Variants in RORA observed in about 807,000 individuals in gnomAD.
The protein encoded by RORA is nuclear receptor ROR-alpha.
Under a neutral mutation model 69.5 loss-of-function variants are expected in RORA, and 7 were observed. The ratio of observed to expected loss-of-function variants is 0.10; its 90% CI spans 0.06 to 0.19. The LOEUF (loss-of-function observed/expected upper bound fraction) is 0.19. RORA is among the 10% of genes least tolerant of loss of function. RORA has a pLI of 1.00. For missense variants in RORA, 457 were observed against 663.0 expected (o/e 0.69, Z 3.41); for synonymous variants, 261 against 240.8 (o/e 1.08, Z -0.78).
chr15:60,828,428 G>A (rs1381530280), intron 1 of RORA, among the ~76,000 whole-genome samples: 5 of 152,204 alleles, frequency 3.3e-5, no homozygotes, highest in African/African-American at 9.7e-5. Context: ...GGAAGGGAAG[G>A]GGAAGTGAAG....
rs539391865 is a variant in RORA, at chr15:60,587,701, A to C, written c.197-55850T>G. On this transcript the variant is annotated intron_variant, in intron 2 of 10. Transcript: ENST00000335670. ...ACTTCAGAAGCAGTAACATTTTAAA[A>C]AATGAAATAACTGGAAAACCTAGGG... Among the ~76,000 whole-genome samples the C allele has an allele frequency of 2.2e-4, 33 of 152,374 alleles. 1 individual carries two copies. The South Asian group carries it at 6.6e-3, about 31-fold the overall frequency.
chr15:61,171,266 G>T (rs2079582571), intron 1 of RORA, among the ~76,000 whole-genome samples: 1 of 152,036 alleles, frequency 6.6e-6, no homozygotes, highest in Non-Finnish European at 1.5e-5. Context: ...ACGGTGGGTG[G>T]GCTATGCCAT....
chr15:61,089,213 A>T (rs1385768853), intron 1 of RORA, among the ~76,000 whole-genome samples: 1 of 152,210 alleles, frequency 6.6e-6, no homozygotes, highest in Non-Finnish European at 1.5e-5. Context: ...TCTCTTAGAG[A>T]TAATAAAAAG....
intron 2 of RORA, among the ~76,000 whole-genome samples, chr15:60,618,530 T>C (rs2069316744): frequency 6.6e-6 from 1 of 152,204 alleles, no homozygotes; most frequent in Admixed American, 6.5e-5. Flanking sequence ...TATGTTATAG[T>C]TGCCCCTACC....
At chr15:60,643,292 A>G (rs2069978114) in intron 2 of RORA, among the ~76,000 whole-genome samples, 1 of 152,196 alleles carries the variant, frequency 6.6e-6, no homozygotes, top group African/African-American at 2.4e-5. Flanking sequence ...TGTGTGGAAT[A>G]TGATAAGTCT....
At chr15:61,161,229 G>A (rs2079493290) in intron 1 of RORA, among the ~76,000 whole-genome samples, 1 of 152,176 alleles carries the variant, frequency 6.6e-6, no homozygotes, top group Non-Finnish European at 1.5e-5. Flanking sequence ...TGGGAACACT[G>A]CTCTTGTGGA....
In RORA at chr15:60,816,594, A is replaced by G. The variant is rs1410038208; in HGVS notation, c.167-137908T>C. 8.2e-5 allele frequency among the ~76,000 whole-genome samples: 12 copies of G among 147,224 alleles called. 1 individual carries two copies. The highest frequency in any genetic ancestry group is 1.5e-4 in the Non-Finnish European group (10 of 67,008). ...TGTATTTATATACTGTAAACAGTAT[A>G]TGTATTTATATACTGTAAACAGTAT... is the stretch of plus-strand genomic sequence containing the variant. On this transcript the variant is annotated intron_variant, in intron 1 of 10. Transcript: ENST00000335670.
chr15:60,589,594 G>A (rs1349337132), intron 2 of RORA, among the ~76,000 whole-genome samples: 1 of 152,118 alleles, frequency 6.6e-6, no homozygotes, highest in Non-Finnish European at 1.5e-5. Flanking sequence ...CAATCCAAAT[G>A]GTATTGGAAT....
chr15:60,812,179 C>G (rs956545869), intron 1 of RORA, among the ~76,000 whole-genome samples: 4 of 152,128 alleles, frequency 2.6e-5, no homozygotes, highest in Non-Finnish European at 4.4e-5. Context: ...ATGGAAACAA[C>G]AATAGTACTT....
At chr15:60,586,574 C>T (rs1311885432) in intron 2 of RORA, among the ~76,000 whole-genome samples, 4 of 152,060 alleles carry the variant, frequency 2.6e-5, no homozygotes, top group Non-Finnish European at 5.9e-5. Context: ...AGGAAAGGAT[C>T]AGAATTAAGG....
At chr15:60,972,431 A>T (rs1893745899) in intron 1 of RORA, among the ~76,000 whole-genome samples, 1 of 152,262 alleles carries the variant, frequency 6.6e-6, no homozygotes, top group Non-Finnish European at 1.5e-5. Context: ...CTGTTGGAAC[A>T]AGCACATAAA....
chr15:60,833,080 A>G (rs1595751598), intron 1 of RORA, among the ~76,000 whole-genome samples: 2 of 148,550 alleles, frequency 1.3e-5, no homozygotes, highest in Admixed American at 1.3e-4. Flanking sequence ...AATTTTTTGT[A>G]TTTTTAGTAG....
chr15:61,124,371 T>C (rs867841711), intron 1 of RORA, among the ~76,000 whole-genome samples: 1 of 152,204 alleles, frequency 6.6e-6, no homozygotes, highest in Non-Finnish European at 1.5e-5. Context: ...ATGGATGCAG[T>C]TGGAGGCAGC....
intron 2 of RORA, among the ~76,000 whole-genome samples, chr15:60,571,187 C>T (rs1374864252): frequency 4.0e-5 from 6 of 151,636 alleles, no homozygotes; most frequent in African/African-American, 1.5e-4. Flanking sequence ...TTTCGATGTG[C>T]CTCCCACAGG....
At chr15:60,984,822 T>G (rs1220703096) in intron 1 of RORA, among the ~76,000 whole-genome samples, 1 of 143,662 alleles carries the variant, frequency 7.0e-6, no homozygotes, top group Non-Finnish European at 1.5e-5. Context: ...TTTTTCCTGT[T>G]TCATTCTTCT....
intron 1 of RORA, among the ~76,000 whole-genome samples, chr15:61,049,493 A>C (rs140859224): frequency 1.2e-3 from 186 of 152,236 alleles, no homozygotes; most frequent in African/African-American, 3.9e-3. Context: ...CAGTAGGTGG[A>C]CTTTTGTGAG....
At position 61,125,488 on chromosome 15, in the gene RORA, C is replaced by T. The variant is rs577233748; in HGVS notation, c.166+103565G>A. 7.2e-5 allele frequency among the ~76,000 whole-genome samples: 11 copies of T among 152,264 alleles called. No homozygotes were observed. In the South Asian group the frequency reaches 1.9e-3, roughly 26 times the overall value. On this transcript the variant is annotated intron_variant, in intron 1 of 10. Transcript: ENST00000335670. ...GTGGGCACAAAGAGCCAACAAATTT[C>T]GTGGAATTCATGCTTATTTCAGTTA...
intron 2 of RORA, among the ~76,000 whole-genome samples, chr15:60,675,786 A>C (rs1300619933): frequency 6.6e-6 from 1 of 152,148 alleles, no homozygotes; most frequent in African/African-American, 2.4e-5. Flanking sequence ...ATTCAGGCTC[A>C]TTTTGCAGTA....
chr15:60,727,153 T>G (rs114808809), intron 1 of RORA, among the ~76,000 whole-genome samples: 55 of 152,330 alleles, frequency 3.6e-4, no homozygotes, highest in Admixed American at 9.8e-4. Context: ...CACTGCTTCA[T>G]TGAACTCACC....
Sources: allele counts gnomAD v4.1 joint callset (sites outside exome capture counted in the v4.1 genomes callset), GRCh38; gene constraint gnomAD v4.1.1; transcripts MANE v1.5; gene names NCBI Gene and HGNC (gene_info 2026-07-23, HGNC 2026-07-21).